The following WDR27 variants were observed in gnomAD, a reference collection of about 807,000 sequenced individuals.
WDR27 encodes the protein WD repeat domain 27, also known as WD repeat-containing protein 27.
WDR27 carries 100 observed loss-of-function variants against 114.4 expected under a neutral mutation model. The ratio of observed to expected loss-of-function variants is 0.87; its 90% confidence interval spans 0.74 to 1.03. WDR27 has a LOEUF of 1.03. WDR27 is among the 50% of genes least tolerant of loss of function. The probability of loss-of-function intolerance (pLI) is 0.00; values close to 1 mark genes in which losing one functional copy is unlikely to be tolerated. For missense variants in WDR27, 1,129 were observed against 1,092.9 expected (o/e 1.03, Z -0.47); for synonymous variants, 449 against 423.1 (o/e 1.06, Z -0.75).
At chr6:169,454,587 CA>C (rs1231572276), downstream of WDR27, among the ~76,000 whole-genome samples, 8 of 152,280 alleles carry the variant, frequency 5.3e-5, no homozygotes, top group Admixed American at 1.3e-4. Context: ...AACAGAATGT[CA>C]AAAACGAACA....
chr6:169,437,606 T>C, the WDR27 span, among the ~76,000 whole-genome samples: 1 of 152,174 alleles, frequency 6.6e-6, no homozygotes, highest in Non-Finnish European at 1.5e-5. Context: ...ACCCACTCCA[T>C]GTGATTTACC....
downstream of WDR27, among the ~76,000 whole-genome samples, chr6:169,452,890 C>T (rs901638608): frequency 1.3e-5 from 2 of 152,220 alleles, no homozygotes; most frequent in Non-Finnish European, 2.9e-5. Flanking sequence ...AGGGTAGCCA[C>T]GGTTTTAGCT....
chr6:169,499,017 G>C (rs1013098895), intron 25 of WDR27, among the ~76,000 whole-genome samples: 3 of 152,162 alleles, frequency 2.0e-5, no homozygotes, highest in Admixed American at 1.3e-4. Context: ...AAGAGCATCA[G>C]ATTATGTCAA....
At chr6:169,587,823 C>G (rs1804949980) in intron 23 of WDR27, among the ~76,000 whole-genome samples, 1 of 152,248 alleles carries the variant, frequency 6.6e-6, no homozygotes, top group East Asian at 1.9e-4. Flanking sequence ...GCAGCCATGT[C>G]TCCATGAGTT....
At chr6:169,476,907 C>T (rs1787253997) in intron 25 of WDR27, among the ~76,000 whole-genome samples, 1 of 152,168 alleles carries the variant, frequency 6.6e-6, no homozygotes, top group African/African-American at 2.4e-5. Flanking sequence ...TACCAGTCAT[C>T]ACTCTTGTTT....
At chr6:169,541,050 C>T (rs1418589284) in intron 25 of WDR27, among the ~76,000 whole-genome samples, 2 of 151,342 alleles carry the variant, frequency 1.3e-5, no homozygotes, top group African/African-American at 4.9e-5. Context: ...AAGCCTCCCT[C>T]GGAATTTACA....
chr6:169,534,984 C>A (rs1287868893), intron 25 of WDR27, among the ~76,000 whole-genome samples: 7 of 145,194 alleles, frequency 4.8e-5, no homozygotes, highest in African/African-American at 1.7e-4. Context: ...AAAAAAAAAA[C>A]TTGTCTAGAA....
At chr6:169,641,641 G>A (rs903747197) in intron 17 of WDR27, among the ~76,000 whole-genome samples, 1 of 152,236 alleles carries the variant, frequency 6.6e-6, no homozygotes. Context: ...GCTCCGAGAA[G>A]GAGCAGAGCA....
rs948856450 is a variant in WDR27 at position 169,665,467 on chromosome 6, A to T, written c.783+19T>A. On this transcript the variant is annotated intron_variant, in intron 7 of 25. Coordinates refer to ENST00000448612, the MANE Select transcript of WDR27 (RefSeq NM_182552.5). ...CAGGCATGTCTGGGAACTGGAACTT[A>T]ACTCTGTGGCTGTCTCACCTGGCCG... The T allele has an allele frequency of 6.2e-7, 1 of 1,608,892 alleles. No homozygotes were observed. Among genetic ancestry groups the T allele is most frequent in the Non-Finnish European group, 8.5e-7 (1 of 1,178,008 alleles).
chr6:169,633,088 G>A lies in WDR27; in HGVS notation c.2102-20C>T, dbSNP rs1259367399. On this transcript the variant is annotated intron_variant, in intron 20 of 25. Coordinates refer to ENST00000448612, the MANE Select transcript of WDR27 (RefSeq NM_182552.5). ...CGATGTCTGCGATAATCCAGTTAGGGAGCTCTTCTCAACACTCTTACCCAT... is the reference window on the plus strand; with the variant it reads ...CGATGTCTGCGATAATCCAGTTAGGAAGCTCTTCTCAACACTCTTACCCAT... 1.3e-6 allele frequency: 2 copies of A among 1,571,264 alleles called. No homozygotes were observed. The highest frequency in any genetic ancestry group is 1.2e-5 in the South Asian group (1 of 86,486).
At chr6:169,606,621 T>C (rs763303838) in intron 22 of WDR27, among the ~76,000 whole-genome samples, 1 of 152,156 alleles carries the variant, frequency 6.6e-6, no homozygotes, top group Non-Finnish European at 1.5e-5. Context: ...GCTCCATCCA[T>C]GTCCCTGCAA....
At chr6:169,466,937 G>T (rs1464037420) in intron 25 of WDR27, among the ~76,000 whole-genome samples, 1 of 152,088 alleles carries the variant, frequency 6.6e-6, no homozygotes, top group Admixed American at 6.5e-5. Context: ...AAAATCAAAA[G>T]CAAGTTAGTT....
intron 25 of WDR27, among the ~76,000 whole-genome samples, chr6:169,500,098 G>A (rs183155416): frequency 2.4e-4 from 37 of 152,306 alleles, no homozygotes; most frequent in Admixed American, 5.9e-4. Context: ...AACGTGGAGC[G>A]CTACTCAGTA....
intron 25 of WDR27, among the ~76,000 whole-genome samples, chr6:169,567,786 T>C (rs932747773): frequency 1.3e-5 from 2 of 152,110 alleles, no homozygotes; most frequent in Non-Finnish European, 2.9e-5. Context: ...TTTAGGATGC[T>C]CCCAGGACCT....
chr6:169,490,505 A>C lies in WDR27; in HGVS notation c.2646-32871T>G, dbSNP rs532803914. 2.0e-5 allele frequency among the ~76,000 whole-genome samples: 3 copies of C among 152,318 alleles called. No individual in the cohort carries two copies. In the South Asian group the frequency reaches 6.2e-4, roughly 32 times the overall value. ...GCAGCTGGCTGCAGAGCCTGCATGT[A>C]CTTATCTGTCTGAAAGGGAAGGACC... is the stretch of plus-strand genomic sequence containing the variant. On this transcript the variant is annotated intron_variant, in intron 25 of 25. Transcript: ENST00000448612.
At chr6:169,536,601 T>C (rs1424400545) in intron 25 of WDR27, among the ~76,000 whole-genome samples, 1 of 152,182 alleles carries the variant, frequency 6.6e-6, no homozygotes, top group Non-Finnish European at 1.5e-5. Flanking sequence ...TGTGTGATCA[T>C]GCTCACTCAC....
chr6:169,665,188 C>A, intron 7 of WDR27: 1 of 1,133,366 alleles, frequency 8.8e-7, no homozygotes, highest in Non-Finnish European at 1.1e-6. Flanking sequence ...GCTCACAGCC[C>A]TCTTCTCAGC....
At chr6:169,483,627 A>G (rs1483294120) in intron 25 of WDR27, among the ~76,000 whole-genome samples, 1 of 152,164 alleles carries the variant, frequency 6.6e-6, no homozygotes, top group Non-Finnish European at 1.5e-5. Flanking sequence ...AAAATTTAGG[A>G]GAAGGGACTC....
chr6:169,427,268 A>G, the WDR27 span, among the ~76,000 whole-genome samples: 9 of 152,166 alleles, frequency 5.9e-5, no homozygotes, highest in African/African-American at 2.2e-4. Flanking sequence ...GGAGCAAAGT[A>G]GGTGGATCTG....
Sources: allele counts gnomAD v4.1 joint callset (sites outside exome capture counted in the v4.1 genomes callset), GRCh38; gene constraint gnomAD v4.1.1; transcripts MANE v1.5; gene names NCBI Gene and HGNC (gene_info 2026-07-23, HGNC 2026-07-21).